The following CNGA1 variants were observed in gnomAD, a reference collection of about 807,000 sequenced individuals.
The protein encoded by CNGA1 is cyclic nucleotide-gated channel alpha-1.
A neutral mutation model predicts 69.7 loss-of-function variants in CNGA1; 53 were observed. That is an observed-to-expected ratio of 0.76 (90% CI 0.61 to 0.96). CNGA1 has a LOEUF of 0.96. Ranked by LOEUF, CNGA1 falls within the 40% of genes least tolerant of loss-of-function variation. The probability of loss-of-function intolerance (pLI) is 0.00; values close to 1 mark genes in which losing one functional copy is unlikely to be tolerated. For missense variants in CNGA1, 739 were observed against 811.2 expected (o/e 0.91, Z 1.08); for synonymous variants, 249 against 283.5 (o/e 0.88, Z 1.22).
intron 3 of CNGA1, 137 bp from the exon 4 acceptor site, chr4:47,952,840 G>A (rs1454464347): frequency 1.9e-6 from 1 of 529,754 alleles, no homozygotes; most frequent in Non-Finnish European, 2.9e-6. Flanking sequence ...ATTTATAAAG[G>A]AAAGAGGTTT....
At chr4:47,951,256 G>C in intron 5 of CNGA1, 97 bp downstream of exon 5, 3 of 764,096 alleles carry the variant, frequency 3.9e-6, no homozygotes, top group Non-Finnish European at 7.1e-6. Flanking sequence ...TACTGCTCAA[G>C]GTCATCACCA....
chr4:47,975,499 C>T (rs1167717634), intron 3 of CNGA1, among the ~76,000 whole-genome samples: 1 of 151,996 alleles, frequency 6.6e-6, no homozygotes, highest in Admixed American at 6.6e-5. Context: ...CTAAAACAAA[C>T]AAATAACCCA....
intron 3 of CNGA1, among the ~76,000 whole-genome samples, chr4:47,963,012 C>T (rs544260476): frequency 3.2e-4 from 48 of 151,730 alleles, no homozygotes; most frequent in Non-Finnish European, 3.4e-4. Context: ...GGCTGGAATG[C>T]GGTGGTGTGA....
chr4:47,947,437 C>T (rs565840665), intron 6 of CNGA1, among the ~76,000 whole-genome samples: 131 of 152,130 alleles, frequency 8.6e-4, no homozygotes, highest in African/African-American at 2.8e-3. Context: ...CACTTTAGGA[C>T]GCTGAGGTGG....
At chr4:47,964,112 G>A (rs910522171) in intron 3 of CNGA1, among the ~76,000 whole-genome samples, 3 of 152,018 alleles carry the variant, frequency 2.0e-5, no homozygotes, top group Admixed American at 6.6e-5. Context: ...GAAATTCTTC[G>A]CTGACTCCTT....
intron 2 of CNGA1, among the ~76,000 whole-genome samples, chr4:47,988,567 C>T (rs554886082): frequency 6.6e-6 from 1 of 152,232 alleles, no homozygotes; most frequent in East Asian, 1.9e-4. Context: ...CCTTCCACAG[C>T]TCTTTGAGTG....
chr4:47,965,353 G>A (rs1740663004), intron 3 of CNGA1, among the ~76,000 whole-genome samples: 1 of 151,712 alleles, frequency 6.6e-6, no homozygotes, highest in African/African-American at 2.4e-5. Flanking sequence ...ATTTTCCTGT[G>A]AATATTAATA....
intron 3 of CNGA1, among the ~76,000 whole-genome samples, chr4:47,962,211 G>T (rs987822758): frequency 6.6e-6 from 1 of 152,022 alleles, no homozygotes; most frequent in Non-Finnish European, 1.5e-5. Flanking sequence ...GGGTGTGGTG[G>T]TGTGTGCCTG....
Position 47,993,986 on chromosome 4 carries a change from T to C in CNGA1, c.-122-12486A>G, listed in dbSNP as rs1742380859. On this transcript the variant is annotated intron_variant, in intron 2 of 10. Transcript: ENST00000514170. ...TTTAATTTCCATGATTTGCATGGTT[T>C]TGAAGGTTTCTTTTGGAGTTGATTT... Among the ~76,000 whole-genome samples, 2 of 152,198 alleles carry C rather than the reference T, an allele frequency of 1.3e-5. 1 individual carries two copies. Among genetic ancestry groups the C allele is most frequent in the South Asian group, 4.1e-4 (2 of 4,836 alleles).
In CNGA1 at chr4:47,950,039, A is replaced by G. The variant is rs1216686801; in HGVS notation, c.225-144T>C. ...TGTAGATGATAGATATTTCAAAAAC[A>G]TATTATGAAGCATAAAGCATAAAAG... On this transcript the variant is annotated intron_variant, in intron 5 of 10. Transcript: ENST00000514170. The G allele has an allele frequency of 4.2e-6, 3 of 716,152 alleles. No individual in the cohort carries two copies. In the African/African-American group the frequency reaches 5.3e-5, roughly 13 times the overall value. 44.4% of individuals were successfully genotyped at this position (716,152 alleles called of 1,614,324 possible).
At chr4:48,002,766 T>C (rs1338089640) in intron 2 of CNGA1, among the ~76,000 whole-genome samples, 3 of 151,854 alleles carry the variant, frequency 2.0e-5, no homozygotes, top group Non-Finnish European at 4.4e-5. Flanking sequence ...ATTGATGTTA[T>C]TTGCAGGAGT....
At chr4:48,005,587 A>G (rs565303564) in intron 2 of CNGA1, among the ~76,000 whole-genome samples, 3 of 152,226 alleles carry the variant, frequency 2.0e-5, no homozygotes, top group Non-Finnish European at 4.4e-5. Flanking sequence ...TCAAATACCT[A>G]TGAGTTGGGT....
rs917323518 is a variant in CNGA1, at chr4:47,974,121, TAGATGATA to T, written c.-15+7264_-15+7271del. 6.6e-5 allele frequency among the ~76,000 whole-genome samples: 10 copies of T among 150,924 alleles called. No homozygotes were observed. In the East Asian group the frequency reaches 9.7e-4, roughly 15 times the overall value. The stretch of plus-strand genomic sequence containing the variant: ...ATAGATAGATAGATAGATAGATAGA[TAGATGATA>T]GATAGCTAGATAAAACTTTAAAAAT... On this transcript the variant is annotated intron_variant, in intron 3 of 10. Coordinates refer to ENST00000514170, the MANE Select transcript of CNGA1 (RefSeq NM_001379270.1).
At chr4:47,958,621 CAA>C (rs60052755) in intron 3 of CNGA1, among the ~76,000 whole-genome samples, 52 of 140,450 alleles carry the variant, frequency 3.7e-4, no homozygotes, top group African/African-American at 7.6e-4. Flanking sequence ...GACTCCGCCT[CAA>C]AAAAAAAAAA....
At chr4:47,977,828 A>ATTTTTTTTTTTTTTTTTTTT (rs11415776) in intron 3 of CNGA1, among the ~76,000 whole-genome samples, 1 of 148,526 alleles carries the variant, frequency 6.7e-6, no homozygotes. Flanking sequence ...CATTTAAGTG[A>ATTTTTTTTTTTTTTTTTTTT]TTTTTTTTTT....
At chr4:47,957,912 TGAGA>T (rs1740186171) in intron 3 of CNGA1, among the ~76,000 whole-genome samples, 1 of 109,586 alleles carries the variant, frequency 9.1e-6, no homozygotes. Context: ...TTTTTTTTTT[TGAGA>T]TGGAGTCTTG....
intron 3 of CNGA1, among the ~76,000 whole-genome samples, chr4:47,970,654 A>AG (rs1740965554): frequency 6.6e-6 from 1 of 150,916 alleles, no homozygotes; most frequent in Admixed American, 6.6e-5. Context: ...CTCCATTAAA[A>AG]AAAAAAAAGA....
chr4:47,944,856 T>A (rs1291272963), intron 6 of CNGA1, among the ~76,000 whole-genome samples: 2 of 152,100 alleles, frequency 1.3e-5, no homozygotes, highest in African/African-American at 4.8e-5. Context: ...CCATCAGAAG[T>A]AAGGTTGGTC....
chr4:47,936,598 C>A lies in CNGA1; in HGVS notation c.1884G>T (p.Gly628=). The stretch of plus-strand genomic sequence containing the variant: ...ACCTGGTTTGCAGGAGGTCTACTGA[C>A]CCCTCCATTCGAGTAACCTTCTCTT... The part of the protein sequence containing the change: ...DLEEKVTRME[G]SVDLLQTRFA... Residue 628 remains glycine (G), a synonymous_variant, in exon 11 of 11, where the codon GGG becomes GGT. Transcript: ENST00000514170. 1 of 1,614,168 alleles carries A rather than the reference C, an allele frequency of 6.2e-7. No homozygotes were observed.
Sources: gnomAD v4.1 joint callset for allele counts (sites outside exome capture counted in the v4.1 genomes callset) on GRCh38, gnomAD v4.1.1 for gene constraint, MANE v1.5 for transcripts, NCBI Gene and HGNC (gene_info 2026-07-23, HGNC 2026-07-21) for gene names.